The following PANK1 variants were observed in gnomAD, a reference collection of about 807,000 sequenced individuals.
PANK1 encodes the protein pantothenic acid kinase 1.
A neutral mutation model predicts 40.1 loss-of-function variants in PANK1; 18 were observed. The ratio of observed to expected loss-of-function variants is 0.45; its 90% CI spans 0.31 to 0.67. PANK1 has a LOEUF of 0.67. PANK1 is among the 30% of genes least tolerant of loss of function. The probability of loss-of-function intolerance (pLI) is 0.06; values close to 1 mark genes in which losing one functional copy is unlikely to be tolerated. For synonymous variants in PANK1, 242 were observed against 237.7 expected (o/e 1.02, Z -0.17); for missense variants, 457 against 599.6 (o/e 0.76, Z 2.48).
chr10:89,609,383 T>C (rs1845083527), intron 2 of PANK1, among the ~76,000 whole-genome samples: 1 of 152,198 alleles, frequency 6.6e-6, no homozygotes, highest in African/African-American at 2.4e-5. Flanking sequence ...ACTTTTTAAA[T>C]TGATTATTGA....
intron 1 of PANK1, among the ~76,000 whole-genome samples, chr10:89,630,383 C>G (rs1435522433): frequency 6.6e-6 from 1 of 152,162 alleles, no homozygotes; most frequent in African/African-American, 2.4e-5. Context: ...TTATTTAATT[C>G]AGTTCTCATA....
At chr10:89,586,552 C>CA (rs1369611679) in intron 6 of PANK1, among the ~76,000 whole-genome samples, 9 of 152,120 alleles carry the variant, frequency 5.9e-5, no homozygotes, top group Non-Finnish European at 8.8e-5. Flanking sequence ...TTTAATAAAA[C>CA]AAAATGCAGG....
At position 89,645,088 on chromosome 10, in the gene PANK1, C is replaced by T; in HGVS notation, c.-197G>A. ...CCCCACCTCCTCTGCGCCCTGCCCC[C>T]CGCGCGCCGGCCCCACGGCGCCGGC... is the stretch of plus-strand genomic sequence containing the variant. On this transcript the variant is annotated 5_prime_UTR_variant, in exon 1 of 7. Coordinates refer to ENST00000307534, the MANE Select transcript of PANK1 (RefSeq NM_148977.3). 1 of 1,498,662 alleles carries T rather than the reference C, an allele frequency of 6.7e-7. No individual in the cohort carries two copies. The allele number at this position is 1,498,662 out of a possible 1,614,324, so 92.8% of individuals were successfully genotyped here. A position where few individuals can be genotyped will look rare whatever the true frequency, so the allele number is the denominator to read the frequency against.
At position 89,645,000 on chromosome 10, in the gene PANK1, C is replaced by T; in HGVS notation, c.-109G>A. 1 of 1,570,194 alleles carries T rather than the reference C, an allele frequency of 6.4e-7. No homozygotes were observed. The highest frequency in any genetic ancestry group is 8.6e-7 in the Non-Finnish European group (1 of 1,161,724). Reference sequence around the variant, plus strand: ...ATCCTCCCTGCGGCTTCCGATTCAGCAGCCGCAGAGCCGGCGCCTGGGGAT... The same window carrying T: ...ATCCTCCCTGCGGCTTCCGATTCAGTAGCCGCAGAGCCGGCGCCTGGGGAT... On this transcript the variant is annotated 5_prime_UTR_variant, in exon 1 of 7. Coordinates refer to ENST00000307534, the MANE Select transcript of PANK1 (RefSeq NM_148977.3).
At chr10:89,633,197 A>G (rs551036786) in intron 1 of PANK1, among the ~76,000 whole-genome samples, 39 of 152,296 alleles carry the variant, frequency 2.6e-4, no homozygotes, top group Non-Finnish European at 5.3e-4. Flanking sequence ...ACTGAAATGC[A>G]GAGTTGGGAA....
chr10:89,644,954 C>T lies in PANK1; in HGVS notation c.-63G>A, dbSNP rs758047078. The T allele has an allele frequency of 3.2e-6, 5 of 1,572,100 alleles. No individual in the cohort carries two copies. The East Asian group carries it at 1.3e-4, about 40-fold the overall frequency. On this transcript the variant is annotated 5_prime_UTR_variant, in exon 1 of 7. Coordinates refer to ENST00000307534, the MANE Select transcript of PANK1 (RefSeq NM_148977.3). Reference sequence around the variant, plus strand: ...AGGCGGCCTCGCTGGAGGTCATTCTCCGGCGTCTTTATTTCCCCGGATCCT... The same window carrying T: ...AGGCGGCCTCGCTGGAGGTCATTCTTCGGCGTCTTTATTTCCCCGGATCCT...
At position 89,644,924 on chromosome 10, in the gene PANK1, G is replaced by A. The variant is rs752501568; in HGVS notation, c.-33C>T. ...GCTGGCGGGGCTGTGCGCGGGCCCC[G>A]GCTCAGGCGGCCTCGCTGGAGGTCA... is the stretch of plus-strand genomic sequence containing the variant. On this transcript the variant is annotated 5_prime_UTR_variant, in exon 1 of 7. Transcript: ENST00000307534. 1 of 1,552,104 alleles carries A rather than the reference G, an allele frequency of 6.4e-7. No individual in the cohort carries two copies. Among genetic ancestry groups the A allele is most frequent in the East Asian group, 2.6e-5 (1 of 37,820 alleles).
At chr10:89,603,889 G>A (rs1472372746) in intron 2 of PANK1, among the ~76,000 whole-genome samples, 1 of 152,182 alleles carries the variant, frequency 6.6e-6, no homozygotes, top group Non-Finnish European at 1.5e-5. Context: ...CAAATCTTAT[G>A]CTCCTGCAAT....
intron 1 of PANK1, among the ~76,000 whole-genome samples, chr10:89,630,784 G>C (rs952049449): frequency 6.6e-6 from 1 of 152,144 alleles, no homozygotes; most frequent in Non-Finnish European, 1.5e-5. Context: ...GAGCCACTGC[G>C]CCCGGCCTCT....
chr10:89,645,152 C>A lies in PANK1; in HGVS notation c.-261G>T. On this transcript the variant is annotated 5_prime_UTR_variant, in exon 1 of 7. Transcript: ENST00000307534. ...GCCCCGGGCGCGGAATCGGGGATCC[C>A]CGCGCACCCCCAGCCGGGGCTCCCG... The A allele has an allele frequency of 6.6e-7, 1 of 1,526,530 alleles. No homozygotes were observed. The highest frequency in any genetic ancestry group is 8.8e-7 in the Non-Finnish European group (1 of 1,140,298). The allele number at this position is 1,526,530 out of a possible 1,614,324, so 94.6% of individuals were successfully genotyped here.
chr10:89,632,219 T>C (rs1321654346), intron 1 of PANK1, among the ~76,000 whole-genome samples: 1 of 152,154 alleles, frequency 6.6e-6, no homozygotes, highest in Non-Finnish European at 1.5e-5. Context: ...CTCAGGACAA[T>C]AAGAGGACAA....
intron 1 of PANK1, among the ~76,000 whole-genome samples, chr10:89,621,044 G>A (rs1845469703): frequency 6.6e-6 from 1 of 152,202 alleles, no homozygotes; most frequent in African/African-American, 2.4e-5. Flanking sequence ...GTTCACGCCT[G>A]TAATCCCAGC....
At position 89,594,483 on chromosome 10, in the gene PANK1, C is replaced by G. The variant is rs1844506403; in HGVS notation, c.900-494G>C. 3.3e-5 allele frequency among the ~76,000 whole-genome samples: 5 copies of G among 152,116 alleles called. No homozygotes were observed. The South Asian group carries it at 1.0e-3, about 32-fold the overall frequency. On this transcript the variant is annotated intron_variant, in intron 3 of 6. Transcript: ENST00000307534. Reference sequence around the variant, plus strand: ...CAAACCCTCTGATGACAAAACTGACCCAGGATTGTGCCAGGAGTGGCCTGT... The same window carrying G: ...CAAACCCTCTGATGACAAAACTGACGCAGGATTGTGCCAGGAGTGGCCTGT...
Position 89,588,542 on chromosome 10 carries a change from T to C in PANK1, c.1326+110A>G, listed in dbSNP as rs1844272893. 9 of 771,846 alleles carry C rather than the reference T, an allele frequency of 1.2e-5. No individual in the cohort carries two copies. The East Asian group carries it at 2.3e-4, about 20-fold the overall frequency. The allele number at this position is 771,846 out of a possible 1,614,324, so 47.8% of individuals were successfully genotyped here. A position where few individuals can be genotyped will look rare whatever the true frequency, so the allele number is the denominator to read the frequency against. On this transcript the variant is annotated intron_variant, in intron 6 of 6. Coordinates refer to ENST00000307534, the MANE Select transcript of PANK1 (RefSeq NM_148977.3). ...CCTTTGTGTAAATGCAAAGTGTAAA[T>C]GGCAACTTTTCTACTTGACCAATTT...
intron 2 of PANK1, among the ~76,000 whole-genome samples, chr10:89,600,088 A>G (rs565847515): frequency 6.6e-6 from 1 of 152,350 alleles, no homozygotes; most frequent in East Asian, 1.9e-4. Flanking sequence ...TGAAGGAAGT[A>G]CGGTCCTGCT....
Position 89,593,885 on chromosome 10 carries a change from T to C in PANK1, c.1004A>G (p.Asp335Gly). 1 of 1,613,760 alleles carries C rather than the reference T, an allele frequency of 6.2e-7. No individual in the cohort carries two copies. Among genetic ancestry groups the C allele is most frequent in the Non-Finnish European group, 8.5e-7 (1 of 1,179,624 alleles). The change falls in exon 4 of 7, where the codon GAT (aspartate) becomes GGT (glycine). Residue 335 changes from aspartate (D) to glycine (G), a missense_variant. By Grantham distance (94) the Asp-to-Gly change is moderately conservative. Around this residue, in one of 4 missense-constraint regions of PANK1, gnomAD observed 286 missense variants for 415.8 expected, o/e 0.69. Coordinates refer to ENST00000307534, the MANE Select transcript of PANK1 (RefSeq NM_148977.3). ...TCCGTAAATGTCCTTCACCAGTTTATCAACATTGGTGCTGTCGCCTTTAGC... is the reference window on the plus strand; with the variant it reads ...TCCGTAAATGTCCTTCACCAGTTTACCAACATTGGTGCTGTCGCCTTTAGC... Reference protein sequence around the residue: ...MAAKGDSTNVDKLVKDIYGGD... With the variant: ...MAAKGDSTNVGKLVKDIYGGD...
intron 2 of PANK1, among the ~76,000 whole-genome samples, chr10:89,600,888 A>C: frequency 6.6e-6 from 1 of 152,352 alleles, no homozygotes; most frequent in East Asian, 1.9e-4. Context: ...CTTTAAAAAT[A>C]TAATAGCAAG....
At chr10:89,601,019 T>A (rs112296897) in intron 2 of PANK1, among the ~76,000 whole-genome samples, 67 of 152,190 alleles carry the variant, frequency 4.4e-4, no homozygotes, top group Non-Finnish European at 4.9e-4. Context: ...TAAATAACTT[T>A]CCCTAAGTGA....
chr10:89,621,928 G>T (rs1564632109), intron 1 of PANK1, among the ~76,000 whole-genome samples: 1 of 152,180 alleles, frequency 6.6e-6, no homozygotes, highest in Non-Finnish European at 1.5e-5. Context: ...TGGCCAGACT[G>T]GTCTTGAACT....
Sources: allele counts gnomAD v4.1 joint callset (sites outside exome capture counted in the v4.1 genomes callset), GRCh38; gene constraint gnomAD v4.1.1; regional missense constraint gnomAD v4.1.1; transcripts MANE v1.5; gene names NCBI Gene and HGNC (gene_info 2026-07-23, HGNC 2026-07-21).